The following NRG1 variants were observed in gnomAD, a reference collection of about 807,000 sequenced individuals.
NRG1 encodes the protein pro-neuregulin-1, membrane-bound isoform.
NRG1 carries 18 observed loss-of-function variants against 63.8 expected under a neutral mutation model. The observed-to-expected ratio is 0.28, with a 90% CI of 0.19 to 0.42. The LOEUF is 0.42. Among genes scored for constraint, NRG1 ranks in the 10% least tolerant of loss-of-function variants. NRG1 has a pLI of 1.00. For synonymous variants in NRG1, 302 were observed against 301.3 expected, an observed-to-expected ratio of 1.00 and a Z score of -0.02; for missense variants, 762 against 814.7, an observed-to-expected ratio of 0.94 and a Z score of 0.79.
At chr8:32,402,251 C>T (rs1382574560) in intron 1 of NRG1, among the ~76,000 whole-genome samples, 4 of 152,148 alleles carry the variant, frequency 2.6e-5, no homozygotes, top group Non-Finnish European at 4.4e-5. Flanking sequence ...TTTCCTTACC[C>T]TTTGTAGCTC....
rs148569343 is a variant in NRG1, at chr8:32,223,144, C to T, written c.38-372684C>T. 1.5e-3 allele frequency among the ~76,000 whole-genome samples: 229 copies of T among 152,198 alleles called. 5 individuals are homozygous for T. In the Middle Eastern group the frequency reaches 0.024, roughly 16 times the overall value. ...AAAAAACAAGAATAACTAGAAAACA[C>T]GTGACAATTTTAGAAAAAATGTAAT... is the stretch of plus-strand genomic sequence containing the variant. On this transcript the variant is annotated intron_variant, in intron 1 of 10. Transcript: ENST00000519301.
intron 7 of NRG1, chr8:32,743,343 GT>G: frequency 6.7e-6 from 3 of 446,918 alleles, no homozygotes; most frequent in Non-Finnish European, 8.9e-6. Context: ...CCTGGCTTCT[GT>G]TTACGTTGCT....
At position 31,749,646 on chromosome 8, in the gene NRG1, AT is replaced by A. The variant is rs201332119; in HGVS notation, c.37+110223del. On this transcript the variant is annotated intron_variant, in intron 1 of 10. Coordinates refer to the NRG1 transcript ENST00000519301. ...AAGTTAATGTTTTGTTTTGCATTAT[AT>A]TTTTTTTCCTCTCTGTGTTGGAAGC... Among the ~76,000 whole-genome samples the A allele has an allele frequency of 3.8e-3, 574 of 150,866 alleles. 1 individual carries two copies. The highest frequency in any genetic ancestry group is 0.019 in the South Asian group (92 of 4,780).
chr8:32,276,774 C>T (rs947445844), intron 1 of NRG1, among the ~76,000 whole-genome samples: 1 of 152,084 alleles, frequency 6.6e-6, no homozygotes, highest in Non-Finnish European at 1.5e-5. Flanking sequence ...TTAGGGAGCC[C>T]CTCTGGCTGC....
chr8:32,762,692 A>G (rs1447852255), intron 11 of NRG1, among the ~76,000 whole-genome samples: 1 of 152,026 alleles, frequency 6.6e-6, no homozygotes, highest in Non-Finnish European at 1.5e-5. Flanking sequence ...GTCAAATTAG[A>G]CTCTGTGAAT....
chr8:32,741,899 T>C (rs1362913318), intron 6 of NRG1, 109 bp from the exon 7 acceptor site: 9 of 764,388 alleles, frequency 1.2e-5, no homozygotes, highest in Non-Finnish European at 2.3e-6. Flanking sequence ...TATTGCTTGG[T>C]ACCAGATCAT....
Position 32,689,452 on chromosome 8 carries a change from G to T in NRG1, c.503-38497G>T, listed in dbSNP as rs546833581. 2.0e-5 allele frequency among the ~76,000 whole-genome samples: 3 copies of T among 152,176 alleles called. No homozygotes were observed. In the East Asian group the frequency reaches 5.8e-4, roughly 29 times the overall value. ...TTGGATTGAGGCAACTTAATAAACG[G>T]CTGTTTGTTGTTGTTTCTGTTCTTT... On this transcript the variant is annotated intron_variant, in intron 5 of 11. Transcript: ENST00000356819.
At chr8:31,684,526 A>G (rs1808663606) in intron 1 of NRG1, among the ~76,000 whole-genome samples, 2 of 152,186 alleles carry the variant, frequency 1.3e-5, no homozygotes, top group Admixed American at 6.5e-5. Context: ...AGTGTCAGGT[A>G]TTTTGTTATG....
At chr8:31,681,052 A>T (rs1380161895) in intron 1 of NRG1, among the ~76,000 whole-genome samples, 1 of 152,128 alleles carries the variant, frequency 6.6e-6, no homozygotes, top group Non-Finnish European at 1.5e-5. Flanking sequence ...AAAATTCTTT[A>T]TAAAGACTTG....
chr8:32,190,469 AC>A (rs1398624496), intron 1 of NRG1, among the ~76,000 whole-genome samples: 1 of 152,156 alleles, frequency 6.6e-6, no homozygotes, highest in African/African-American at 2.4e-5. Flanking sequence ...TTCCGGTTTT[AC>A]CCATACAACA....
intron 1 of NRG1, among the ~76,000 whole-genome samples, chr8:32,331,601 GAGA>G (rs1206934987): frequency 6.6e-6 from 1 of 152,112 alleles, no homozygotes; most frequent in Non-Finnish European, 1.5e-5. Flanking sequence ...TCTTTACAAA[GAGA>G]AGGTTATCTT....
At chr8:32,077,225 G>A (rs1331399573) in intron 1 of NRG1, among the ~76,000 whole-genome samples, 2 of 152,004 alleles carry the variant, frequency 1.3e-5, no homozygotes, top group African/African-American at 2.4e-5. Flanking sequence ...AAATTAGCTG[G>A]GCATGGTTGC....
At chr8:31,991,135 G>T (rs1431465907) in intron 1 of NRG1, among the ~76,000 whole-genome samples, 5 of 152,032 alleles carry the variant, frequency 3.3e-5, no homozygotes, top group Admixed American at 3.3e-4. Flanking sequence ...GAAGGAGTAG[G>T]ACAGTAAATG....
At chr8:31,933,287 T>C (rs1835016415) in intron 1 of NRG1, among the ~76,000 whole-genome samples, 1 of 149,948 alleles carries the variant, frequency 6.7e-6, no homozygotes. Context: ...TTATCCTCGT[T>C]TTTTTTTTTT....
At chr8:31,873,671 A>G (rs1374564384) in intron 1 of NRG1, among the ~76,000 whole-genome samples, 1 of 152,204 alleles carries the variant, frequency 6.6e-6, no homozygotes, top group Non-Finnish European at 1.5e-5. Flanking sequence ...ATGGGTCTGA[A>G]TGCCTATAAA....
chr8:31,760,147 C>A (rs567943915), intron 1 of NRG1, among the ~76,000 whole-genome samples: 1 of 151,986 alleles, frequency 6.6e-6, no homozygotes, highest in Non-Finnish European at 1.5e-5. Flanking sequence ...TGAATGGTAA[C>A]GCCTAGGTTT....
At chr8:31,754,941 C>G (rs1158909701) in intron 1 of NRG1, among the ~76,000 whole-genome samples, 4 of 152,102 alleles carry the variant, frequency 2.6e-5, no homozygotes, top group African/African-American at 9.6e-5. Context: ...TCTACCTATT[C>G]AGGTAGATAA....
At chr8:32,539,421 A>C (rs1832354233) in intron 1 of NRG1, among the ~76,000 whole-genome samples, 1 of 152,206 alleles carries the variant, frequency 6.6e-6, no homozygotes. Context: ...ATGAGAATAA[A>C]GGCTGCTTCA....
intron 1 of NRG1, among the ~76,000 whole-genome samples, chr8:32,540,110 G>A (rs58479114): frequency 5.3e-5 from 8 of 152,152 alleles, no homozygotes; most frequent in African/African-American, 1.9e-4. Flanking sequence ...TGGTTTCTTC[G>A]ATAGAAAGGG....
Sources: gnomAD v4.1 joint callset for allele counts (sites outside exome capture counted in the v4.1 genomes callset) on GRCh38, gnomAD v4.1.1 for gene constraint, MANE v1.5 for transcripts, NCBI Gene and HGNC (gene_info 2026-07-23, HGNC 2026-07-21) for gene names.